FAM114A2: variants seen among roughly 807,000 people sequenced by gnomAD.
FAM114A2 encodes the protein protein FAM114A2.
Under a neutral mutation model 58.4 loss-of-function variants are expected in FAM114A2, and 53 were observed. The observed-to-expected ratio is 0.91, with a 90% confidence interval of 0.73 to 1.14. The LOEUF (loss-of-function observed/expected upper bound fraction) is 1.14, where lower values mean the gene tolerates loss of function less well. FAM114A2 is among the 50% of genes most tolerant of loss of function. FAM114A2 has a pLI of 0.00. For synonymous variants in FAM114A2, 228 were observed against 211.4 expected, an observed-to-expected ratio of 1.08 and a Z score of -0.68; for missense variants, 601 against 581.1, an observed-to-expected ratio of 1.03 and a Z score of -0.35.
chr5:154,001,095 G>A (rs1769938561), intron 11 of FAM114A2, among the ~76,000 whole-genome samples: 2 of 152,166 alleles, frequency 1.3e-5, no homozygotes, highest in South Asian at 4.1e-4. Flanking sequence ...GAACATATCA[G>A]TGAACAAGAA....
chr5:154,037,589 C>A (rs1260024264), intron 1 of FAM114A2, among the ~76,000 whole-genome samples: 1 of 152,178 alleles, frequency 6.6e-6, no homozygotes, highest in African/African-American at 2.4e-5. Flanking sequence ...TTTCCTTATG[C>A]TCTCTCCAGG....
chr5:153,993,851 A>G (rs1365804756), intron 13 of FAM114A2, among the ~76,000 whole-genome samples: 1 of 152,188 alleles, frequency 6.6e-6, no homozygotes, highest in East Asian at 1.9e-4. Flanking sequence ...TTTAAAATTT[A>G]TCAATGGCAA....
chr5:154,027,120 T>C (rs904575311), intron 7 of FAM114A2, 56 bp downstream of exon 7: 1 of 1,406,184 alleles, frequency 7.1e-7, no homozygotes, highest in Non-Finnish European at 9.8e-7. Context: ...AAGGAAACCA[T>C]GCAGCATTCT....
intron 1 of FAM114A2, among the ~76,000 whole-genome samples, chr5:154,036,043 CT>C (rs1772538689): frequency 6.6e-6 from 1 of 151,522 alleles, no homozygotes; most frequent in Non-Finnish European, 1.5e-5. Flanking sequence ...TTTTTTTTTA[CT>C]GTTGAGTTTT....
intron 2 of FAM114A2, 72 bp from the exon 3 acceptor site, chr5:154,034,449 A>G: frequency 1.1e-6 from 1 of 906,178 alleles, no homozygotes; most frequent in South Asian, 1.7e-5. Context: ...CAGAATGTAC[A>G]GACAAGGTAT....
intron 11 of FAM114A2, among the ~76,000 whole-genome samples, chr5:154,000,837 T>C (rs953223837): frequency 2.0e-5 from 3 of 152,174 alleles, no homozygotes; most frequent in Admixed American, 6.6e-5. Context: ...ATACTCAAAA[T>C]ACCCTACATT....
At chr5:154,025,738 A>T (rs186813345) in intron 8 of FAM114A2, among the ~76,000 whole-genome samples, 1 of 152,304 alleles carries the variant, frequency 6.6e-6, no homozygotes, top group East Asian at 1.9e-4. Context: ...TATCTTAGAA[A>T]TATTTCCAGC....
At chr5:154,004,664 T>A (rs566827481) in intron 9 of FAM114A2, among the ~76,000 whole-genome samples, 1 of 152,298 alleles carries the variant, frequency 6.6e-6, no homozygotes, top group South Asian at 2.1e-4. Context: ...CTTAGATTTT[T>A]TTCCTCTCCA....
At chr5:153,997,294 C>G (rs1769633424) in intron 12 of FAM114A2, among the ~76,000 whole-genome samples, 1 of 152,128 alleles carries the variant, frequency 6.6e-6, no homozygotes, top group African/African-American at 2.4e-5. Flanking sequence ...CACATAAAAA[C>G]ATACATGCAT....
intron 1 of FAM114A2, among the ~76,000 whole-genome samples, chr5:154,038,012 C>T (rs763528006): frequency 9.2e-5 from 14 of 151,480 alleles, no homozygotes; most frequent in African/African-American, 3.2e-4. Context: ...CTTTCCTCAA[C>T]TCATTCATAA....
chr5:154,023,611 G>A (rs921026378), intron 8 of FAM114A2, among the ~76,000 whole-genome samples: 6 of 152,046 alleles, frequency 3.9e-5, no homozygotes, highest in Admixed American at 1.3e-4. Context: ...AATGGGCTTC[G>A]GGGACTCAGG....
chr5:154,004,531 A>AAAT (rs1220334184), intron 9 of FAM114A2, among the ~76,000 whole-genome samples: 1 of 151,060 alleles, frequency 6.6e-6, no homozygotes, highest in Admixed American at 6.6e-5. Context: ...CACATACAAC[A>AAAT]AATAAAAACT....
rs541203306 is a variant in FAM114A2 at position 154,007,367 on chromosome 5, GC to G, written c.993+3873del. Among the ~76,000 whole-genome samples, 15 of 152,122 alleles carry G rather than the reference GC, an allele frequency of 9.9e-5. No homozygotes were observed. The South Asian group carries it at 3.1e-3, about 32-fold the overall frequency. On this transcript the variant is annotated intron_variant, in intron 9 of 13. Coordinates refer to ENST00000351797, the MANE Select transcript of FAM114A2 (RefSeq NM_018691.4). ...GAGGCCCACAGAAGAAAATGAATTT[GC>G]CCCAGGCCACACCACATGTGAGTAT... is the stretch of plus-strand genomic sequence containing the variant.
chr5:154,028,620 A>G (rs1771966052), intron 5 of FAM114A2, among the ~76,000 whole-genome samples: 1 of 152,182 alleles, frequency 6.6e-6, no homozygotes, highest in East Asian at 1.9e-4. Context: ...AACTACCCCA[A>G]TGCTCACCAA....
rs1023298801 is a variant in FAM114A2, at chr5:153,990,420, A to C, written c.*2556T>G. 1 of 151,816 alleles carries C rather than the reference A, an allele frequency of 6.6e-6. No individual in the cohort carries two copies. The highest frequency in any genetic ancestry group is 2.4e-5 in the African/African-American group (1 of 41,318). The allele number at this position is 151,816 out of a possible 1,614,324, so 9.4% of individuals were successfully genotyped here. On this transcript the variant is annotated 3_prime_UTR_variant, in exon 14 of 14. Transcript: ENST00000351797. ...ATTCACATTTGTACACCTAGCACTGATTTCAGATTCATAGTAATGCCATCT... is the reference window on the plus strand; with the variant it reads ...ATTCACATTTGTACACCTAGCACTGCTTTCAGATTCATAGTAATGCCATCT...
At chr5:154,009,584 A>G (rs1561551497) in intron 9 of FAM114A2, among the ~76,000 whole-genome samples, 1 of 152,178 alleles carries the variant, frequency 6.6e-6, no homozygotes, top group South Asian at 2.1e-4. Context: ...TTTATTAGCA[A>G]GATAGGAAAA....
intron 10 of FAM114A2, 94 bp from the exon 11 acceptor site, chr5:154,002,484 G>C: frequency 7.6e-7 from 1 of 1,312,736 alleles, no homozygotes; most frequent in Non-Finnish European, 1.1e-6. Flanking sequence ...TTGTAGCAGA[G>C]ACTAATAGTT....
Position 154,034,836 on chromosome 5 carries a change from C to A in FAM114A2, c.118G>T (p.Glu40Ter). 6.2e-7 allele frequency: 1 copy of A among 1,614,020 alleles called. No individual in the cohort carries two copies. The highest frequency in any genetic ancestry group is 8.5e-7 in the Non-Finnish European group (1 of 1,179,920). ...SESVDQGAKP[E>*]SKSEPVVSTR... Reference sequence around the variant, plus strand: ...GAAACTACAGGTTCTGATTTACTCTCTGGTTTGGCACCTTGGTCAACAGAC... The same window carrying A: ...GAAACTACAGGTTCTGATTTACTCTATGGTTTGGCACCTTGGTCAACAGAC... Residue 40 changes from glutamate to a stop codon, truncating the protein, a stop_gained, in exon 2 of 14, where the codon GAG (glutamate) becomes TAG (stop). Transcript: ENST00000351797. LOFTEE classifies it high-confidence loss of function.
chr5:154,011,604 T>TA (rs1770705438), intron 8 of FAM114A2, among the ~76,000 whole-genome samples: 1 of 152,198 alleles, frequency 6.6e-6, no homozygotes, highest in Non-Finnish European at 1.5e-5. Context: ...CAAGACTGCA[T>TA]AGCAAAGATT....
Sources: gnomAD v4.1 joint callset for allele counts (sites outside exome capture counted in the v4.1 genomes callset) on GRCh38, gnomAD v4.1.1 for gene constraint, MANE v1.5 for transcripts, NCBI Gene and HGNC (gene_info 2026-07-23, HGNC 2026-07-21) for gene names.